CACNG2: variants seen among roughly 807,000 people sequenced by gnomAD.
CACNG2 encodes voltage-dependent calcium channel gamma-2 subunit.
In CACNG2, 3 loss-of-function variants were observed where a neutral mutation model predicts 25.9. That is an observed-to-expected ratio of 0.12 (90% confidence interval 0.05 to 0.30). CACNG2 has a LOEUF of 0.30. Ranked by LOEUF, CACNG2 falls within the 10% of genes least tolerant of loss-of-function variation. CACNG2 has a pLI of 1.00. For synonymous variants in CACNG2, 167 were observed against 173.3 expected (o/e 0.96, Z 0.29); for missense variants, 341 against 432.5 (o/e 0.79, Z 1.88).
intron 1 of CACNG2, among the ~76,000 whole-genome samples, chr22:36,693,698 C>T (rs535223011): frequency 4.6e-5 from 7 of 152,308 alleles, no homozygotes; most frequent in Non-Finnish European, 8.8e-5. Context: ...ATTGGCATTG[C>T]CAATGCCCAA....
At chr22:36,679,197 C>CCTTCCTTCCTTTCTTT (rs1491420417) in intron 1 of CACNG2, among the ~76,000 whole-genome samples, 102 of 54,788 alleles carry the variant, frequency 1.9e-3, no homozygotes, top group African/African-American at 3.9e-3. Flanking sequence ...TTCCTTCCTT[C>CCTTCCTTCCTTTCTTT]CTTTCTTTCT....
chr22:36,574,983 A>C (rs1935290234), intron 2 of CACNG2, among the ~76,000 whole-genome samples: 2 of 152,216 alleles, frequency 1.3e-5, no homozygotes, highest in South Asian at 4.1e-4. Flanking sequence ...AGACACACAG[A>C]GAGCTTGCCT....
chr22:36,607,165 A>T (rs1417672922), intron 1 of CACNG2, among the ~76,000 whole-genome samples: 1 of 152,156 alleles, frequency 6.6e-6, no homozygotes, highest in Admixed American at 6.5e-5. Flanking sequence ...AGATTCCTCC[A>T]TCGGGTGAAA....
At chr22:36,694,274 C>T (rs777215817) in intron 1 of CACNG2, among the ~76,000 whole-genome samples, 1 of 152,108 alleles carries the variant, frequency 6.6e-6, no homozygotes, top group East Asian at 1.9e-4. Context: ...AATTTGTCCC[C>T]CTCTCCCCTG....
At chr22:36,701,979 G>C (rs1937416229) in intron 1 of CACNG2, among the ~76,000 whole-genome samples, 1 of 152,146 alleles carries the variant, frequency 6.6e-6, no homozygotes, top group Admixed American at 6.5e-5. Flanking sequence ...ATTGCGAAAA[G>C]AGAAACAGCA....
intron 1 of CACNG2, among the ~76,000 whole-genome samples, chr22:36,658,851 G>C (rs1468419960): frequency 6.6e-6 from 1 of 152,140 alleles, no homozygotes; most frequent in Non-Finnish European, 1.5e-5. Flanking sequence ...AGGTTGGGTG[G>C]TCAGGACTGG....
intron 2 of CACNG2, among the ~76,000 whole-genome samples, chr22:36,569,128 G>A (rs1011296659): frequency 3.3e-5 from 5 of 152,184 alleles, no homozygotes; most frequent in Non-Finnish European, 7.3e-5. Flanking sequence ...GATGGTGAGA[G>A]CTTACTGAAA....
intron 1 of CACNG2, among the ~76,000 whole-genome samples, chr22:36,642,039 T>C (rs780045400): frequency 1.5e-4 from 23 of 152,166 alleles, no homozygotes; most frequent in South Asian, 2.1e-4. Context: ...GCTGTTTATA[T>C]GATCCCTGCT....
intron 1 of CACNG2, among the ~76,000 whole-genome samples, chr22:36,665,416 G>T (rs527324475): frequency 4.0e-4 from 61 of 152,336 alleles, no homozygotes; most frequent in African/African-American, 1.5e-3. Context: ...CATGAAGCAA[G>T]TACACAGTGC....
intron 1 of CACNG2, 71 bp downstream of exon 1, chr22:36,702,295 G>C: frequency 2.1e-6 from 2 of 932,196 alleles, no homozygotes; most frequent in Admixed American, 4.0e-5. Context: ...TTATTTGGAG[G>C]AGGGTGGGGA....
intron 1 of CACNG2, among the ~76,000 whole-genome samples, chr22:36,607,200 G>T (rs191725078): frequency 6.6e-6 from 1 of 152,164 alleles, no homozygotes. Flanking sequence ...TTCCTACTTG[G>T]CAAAATATAC....
At chr22:36,619,524 T>C (rs996301796) in intron 1 of CACNG2, among the ~76,000 whole-genome samples, 1 of 152,260 alleles carries the variant, frequency 6.6e-6, no homozygotes, top group African/African-American at 2.4e-5. Flanking sequence ...GTGTTGACTC[T>C]GTTTGTCTGC....
chr22:36,575,433 G>A (rs1268651219), intron 2 of CACNG2, among the ~76,000 whole-genome samples: 1 of 152,096 alleles, frequency 6.6e-6, no homozygotes, highest in Non-Finnish European at 1.5e-5. Context: ...GCTTCATGGT[G>A]GGCATAGCCA....
intron 1 of CACNG2, among the ~76,000 whole-genome samples, chr22:36,651,689 T>C (rs1936617812): frequency 8.5e-6 from 1 of 117,748 alleles, no homozygotes; most frequent in Non-Finnish European, 1.5e-5. Flanking sequence ...AATATTTGTC[T>C]TTTTTTGTAT....
chr22:36,567,495 T>A (rs1935145533), intron 2 of CACNG2, among the ~76,000 whole-genome samples: 1 of 151,058 alleles, frequency 6.6e-6, no homozygotes, highest in Admixed American at 6.6e-5. Flanking sequence ...CCCCTCTAGA[T>A]AAGGACTGAC....
Position 36,566,489 on chromosome 22 carries a change from G to A in CACNG2, c.300C>T (p.Ala100=), listed in dbSNP as rs777520506. 5.6e-6 allele frequency: 9 copies of A among 1,614,054 alleles called. No homozygotes were observed. The highest frequency in any genetic ancestry group is 1.7e-4 in the Middle Eastern group (1 of 6,060). The stretch of plus-strand genomic sequence containing the variant: ...TTGGGAAAATGCTGGAGGCCCTCAC[G>A]GCCCCTGTGGAACACAGAGGGTCAG... ...EADTAEYFLR[A]VRASSIFPIL... The change falls in exon 3 of 4, where the codon GCC becomes GCT. Residue 100 remains alanine, a synonymous_variant. Transcript: ENST00000300105.
chr22:36,615,580 G>T (rs1028144454), intron 1 of CACNG2, among the ~76,000 whole-genome samples: 1 of 152,146 alleles, frequency 6.6e-6, no homozygotes, highest in African/African-American at 2.4e-5. Context: ...CCCCCAGCTG[G>T]GTTAATTTTC....
chr22:36,628,773 AC>A (rs1267700595), intron 1 of CACNG2, among the ~76,000 whole-genome samples: 1 of 151,870 alleles, frequency 6.6e-6, no homozygotes, highest in Non-Finnish European at 1.5e-5. Context: ...AGCCCCTCCA[AC>A]CCCCACTGCT....
At chr22:36,649,712 G>C (rs1290225474) in intron 1 of CACNG2, among the ~76,000 whole-genome samples, 1 of 152,144 alleles carries the variant, frequency 6.6e-6, no homozygotes, top group Non-Finnish European at 1.5e-5. Flanking sequence ...TGAATCACAG[G>C]GTGGGTTTTT....
Sources: allele counts gnomAD v4.1 joint callset (sites outside exome capture counted in the v4.1 genomes callset), GRCh38; gene constraint gnomAD v4.1.1; transcripts MANE v1.5; gene names NCBI Gene and HGNC (gene_info 2026-07-23, HGNC 2026-07-21).